The following GREM2 variants were observed in gnomAD, a reference collection of about 807,000 sequenced individuals.
The protein encoded by GREM2 is gremlin 2, DAN family BMP antagonist, also known as gremlin-2.
A neutral mutation model predicts 14.2 loss-of-function variants in GREM2; 11 were observed. The ratio of observed to expected loss-of-function variants is 0.78; its 90% CI spans 0.49 to 1.28. GREM2 has a LOEUF of 1.28. Among genes scored for constraint, GREM2 ranks in the 50% most tolerant of loss-of-function variants. The probability of loss-of-function intolerance (pLI) is 0.00; values close to 1 mark genes in which losing one functional copy is unlikely to be tolerated. For missense variants in GREM2, 210 were observed against 218.5 expected (o/e 0.96, Z 0.24); for synonymous variants, 98 against 97.6 (o/e 1.00, Z -0.02).
chr1:240,549,767 G>C (rs1353022274), intron 1 of GREM2: 1 of 152,204 alleles, frequency 6.6e-6, no homozygotes, highest in Non-Finnish European at 1.5e-5. Context: ...GAAAGGGGAA[G>C]GTACAGATCT....
At chr1:240,502,174 G>A (rs553616645) in intron 1 of GREM2, among the ~76,000 whole-genome samples, 11 of 152,076 alleles carry the variant, frequency 7.2e-5, no homozygotes, top group Non-Finnish European at 1.0e-4. Context: ...AATTCAAGAG[G>A]CCTGTCTAAA....
chr1:240,519,678 G>A (rs1678033998), intron 1 of GREM2, among the ~76,000 whole-genome samples: 2 of 151,958 alleles, frequency 1.3e-5, no homozygotes, highest in Non-Finnish European at 2.9e-5. Flanking sequence ...ACTCTGTACT[G>A]GGGATAAAAA....
chr1:240,547,417 T>G (rs1370152313), intron 1 of GREM2, among the ~76,000 whole-genome samples: 2 of 150,568 alleles, frequency 1.3e-5, no homozygotes, highest in African/African-American at 2.5e-5. Context: ...GGAGAATCGC[T>G]TGAACCCGGG....
At chr1:240,535,030 T>C (rs980242313) in intron 1 of GREM2, among the ~76,000 whole-genome samples, 1 of 152,156 alleles carries the variant, frequency 6.6e-6, no homozygotes, top group African/African-American at 2.4e-5. Flanking sequence ...AGACATCTAG[T>C]AGTTATTATA....
intron 1 of GREM2, among the ~76,000 whole-genome samples, chr1:240,604,749 C>G (rs926046688): frequency 6.6e-6 from 1 of 152,172 alleles, no homozygotes; most frequent in African/African-American, 2.4e-5. Context: ...CTTGAGCCCC[C>G]GAGTTCGGGA....
At chr1:240,598,417 T>C (rs983095238) in intron 1 of GREM2, among the ~76,000 whole-genome samples, 1 of 152,208 alleles carries the variant, frequency 6.6e-6, no homozygotes, top group South Asian at 2.1e-4. Context: ...AGAGTAATCA[T>C]TTATAGCAAA....
intron 1 of GREM2, among the ~76,000 whole-genome samples, chr1:240,584,481 C>A (rs1290792997): frequency 1.6e-5 from 2 of 126,968 alleles, no homozygotes; most frequent in Non-Finnish European, 3.1e-5. Flanking sequence ...GGTGACAGAG[C>A]GAGACTCCAT....
intron 1 of GREM2, 133 bp from the exon 2 acceptor site, chr1:240,493,609 G>T: frequency 9.2e-7 from 1 of 1,084,830 alleles, no homozygotes; most frequent in Non-Finnish European, 1.3e-6. Flanking sequence ...CACGTAGCTT[G>T]CTGCAGGCTC....
chr1:240,579,289 T>C (rs1679435315), intron 1 of GREM2, among the ~76,000 whole-genome samples: 1 of 152,208 alleles, frequency 6.6e-6, no homozygotes, highest in South Asian at 2.1e-4. Flanking sequence ...AATTGATTAA[T>C]TCATCTTTTA....
chr1:240,558,607 G>C (rs1478950674), intron 1 of GREM2, among the ~76,000 whole-genome samples: 1 of 152,032 alleles, frequency 6.6e-6, no homozygotes, highest in Non-Finnish European at 1.5e-5. Flanking sequence ...TTAATCAGAG[G>C]GTAAAAGGAG....
intron 1 of GREM2, among the ~76,000 whole-genome samples, chr1:240,573,400 A>G (rs1246111812): frequency 6.6e-6 from 1 of 152,196 alleles, no homozygotes; most frequent in African/African-American, 2.4e-5. Context: ...GGCTTCGTAT[A>G]TAGAACTCTA....
At chr1:240,515,351 G>A (rs9428481) in intron 1 of GREM2, among the ~76,000 whole-genome samples, 61,212 of 151,936 alleles carry the variant, frequency 0.4, 12,654 homozygotes, top group East Asian at 0.72. Flanking sequence ...AATGATTTTT[G>A]TTAAATGGAC....
intron 1 of GREM2, among the ~76,000 whole-genome samples, chr1:240,507,028 C>T (rs1677688891): frequency 6.6e-6 from 1 of 152,214 alleles, no homozygotes; most frequent in Non-Finnish European, 1.5e-5. Context: ...GGAGCCGGGG[C>T]TGGTATTCAC....
chr1:240,544,937 G>T (rs1678683388), intron 1 of GREM2, among the ~76,000 whole-genome samples: 1 of 152,160 alleles, frequency 6.6e-6, no homozygotes, highest in African/African-American at 2.4e-5. Context: ...TTCACAAAGA[G>T]AAAAAATAAG....
chr1:240,538,776 T>C (rs1046661701), intron 1 of GREM2, among the ~76,000 whole-genome samples: 1 of 152,170 alleles, frequency 6.6e-6, no homozygotes, highest in Non-Finnish European at 1.5e-5. Context: ...GTAAACTGTA[T>C]GTACTCGACT....
At chr1:240,604,187 T>G (rs1474961160) in intron 1 of GREM2, among the ~76,000 whole-genome samples, 1 of 151,922 alleles carries the variant, frequency 6.6e-6, no homozygotes, top group African/African-American at 2.4e-5. Context: ...TAATGCGGGA[T>G]CTACCCCCAG....
At position 240,491,916 on chromosome 1, in the gene GREM2, C is replaced by T. The variant is rs1677261050; in HGVS notation, c.*1053G>A. 1.2e-5 allele frequency: 2 copies of T among 167,710 alleles called. No homozygotes were observed. Among genetic ancestry groups the T allele is most frequent in the African/African-American group, 4.7e-5 (2 of 42,106 alleles). The allele number at this position is 167,710 out of a possible 1,614,324, so 10.4% of individuals were successfully genotyped here. A position where few individuals can be genotyped will look rare whatever the true frequency, so the allele number is the denominator to read the frequency against. ...TACATTGTGCTGCAATGCTTAGTAA[C>T]GTCAGTGAAATAGTATTCAAAGTAA... On this transcript the variant is annotated 3_prime_UTR_variant, in exon 2 of 2. Transcript: ENST00000318160.
intron 1 of GREM2, among the ~76,000 whole-genome samples, chr1:240,538,082 CAATA>C (rs1312581519): frequency 2.0e-5 from 3 of 152,098 alleles, no homozygotes; most frequent in African/African-American, 7.2e-5. Context: ...TAATGACAGT[CAATA>C]AATAGAGGAA....
intron 1 of GREM2, among the ~76,000 whole-genome samples, chr1:240,592,298 CTT>C (rs755133668): frequency 1.3e-5 from 2 of 152,050 alleles, no homozygotes; most frequent in African/African-American, 2.4e-5. Context: ...AAGAGACTGA[CTT>C]ATAACTTTTT....
Sources: gnomAD v4.1 joint callset for allele counts (sites outside exome capture counted in the v4.1 genomes callset) on GRCh38, gnomAD v4.1.1 for gene constraint, MANE v1.5 for transcripts, NCBI Gene and HGNC (gene_info 2026-07-23, HGNC 2026-07-21) for gene names.